Variants in PRKG2 observed in about 807,000 individuals in gnomAD.
PRKG2 encodes the protein protein kinase cGMP-dependent 2.
Under a neutral mutation model 97.2 loss-of-function variants are expected in PRKG2, and 33 were observed. That is an observed-to-expected ratio of 0.34 (90% CI 0.26 to 0.45). The LOEUF is 0.45. Among genes scored for constraint, PRKG2 ranks in the 20% least tolerant of loss-of-function variants. The probability of loss-of-function intolerance (pLI) is 1.00; values close to 1 mark genes in which losing one functional copy is unlikely to be tolerated. For synonymous variants in PRKG2, 330 were observed against 321.8 expected, an observed-to-expected ratio of 1.03 and a Z score of -0.27; for missense variants, 638 against 900.0, an observed-to-expected ratio of 0.71 and a Z score of 3.73.
chr4:81,180,670 T>C (rs1311578173), intron 2 of PRKG2, among the ~76,000 whole-genome samples: 2 of 152,148 alleles, frequency 1.3e-5, no homozygotes, highest in East Asian at 1.9e-4. Context: ...GTGTCCCACA[T>C]TGATTCTGGG....
At chr4:81,192,245 A>T (rs1023429047) in intron 2 of PRKG2, 3 of 152,194 alleles carry the variant, frequency 2.0e-5, no homozygotes, top group Non-Finnish European at 4.4e-5. Flanking sequence ...TTTCAACAAC[A>T]GGTAAAAAGT....
At chr4:81,165,833 T>G (rs1388282349) in intron 6 of PRKG2, among the ~76,000 whole-genome samples, 1 of 152,156 alleles carries the variant, frequency 6.6e-6, no homozygotes, top group Non-Finnish European at 1.5e-5. Context: ...TTATTTTTAA[T>G]GATACTAAAT....
At chr4:81,134,094 A>G (rs756056064) in intron 14 of PRKG2, among the ~76,000 whole-genome samples, 3 of 152,160 alleles carry the variant, frequency 2.0e-5, no homozygotes, top group Non-Finnish European at 4.4e-5. Flanking sequence ...TGAATGATTA[A>G]AAGTGTTTCT....
intron 12 of PRKG2, among the ~76,000 whole-genome samples, chr4:81,139,223 A>G (rs1747011562): frequency 6.6e-6 from 1 of 152,172 alleles, no homozygotes; most frequent in Non-Finnish European, 1.5e-5. Context: ...TACTACTAGG[A>G]CCAGGGTACA....
chr4:81,113,502 C>G (rs1463613562), intron 14 of PRKG2, among the ~76,000 whole-genome samples: 1 of 152,070 alleles, frequency 6.6e-6, no homozygotes, highest in East Asian at 1.9e-4. Flanking sequence ...AAAACATCAT[C>G]TCCAAAGATT....
intron 6 of PRKG2, among the ~76,000 whole-genome samples, chr4:81,158,872 T>G (rs971469169): frequency 2.0e-5 from 3 of 151,558 alleles, no homozygotes; most frequent in African/African-American, 7.3e-5. Context: ...TACTAAATGG[T>G]GCTGGGAAAA....
Position 81,089,656 on chromosome 4 carries a change from A to G in PRKG2, c.*52T>C. 4.6e-6 allele frequency: 6 copies of G among 1,297,480 alleles called. No homozygotes were observed. The highest frequency in any genetic ancestry group is 6.6e-6 in the Non-Finnish European group (6 of 908,666). The allele number at this position is 1,297,480 out of a possible 1,614,324, so 80.4% of individuals were successfully genotyped here. ...AAGAAAATAATGTGTTGGATTATTGATCCTTGAGGTCCTCTTCTGTAGAGT... is the reference window on the plus strand; with the variant it reads ...AAGAAAATAATGTGTTGGATTATTGGTCCTTGAGGTCCTCTTCTGTAGAGT... On this transcript the variant is annotated 3_prime_UTR_variant, in exon 19 of 19. Transcript: ENST00000264399.
intron 2 of PRKG2, among the ~76,000 whole-genome samples, chr4:81,176,396 C>T (rs1750933974): frequency 6.6e-6 from 1 of 151,884 alleles, no homozygotes; most frequent in Non-Finnish European, 1.5e-5. Context: ...ATTATTCTTG[C>T]TAAAAAAAAA....
intron 14 of PRKG2, among the ~76,000 whole-genome samples, chr4:81,121,729 T>C (rs1312539991): frequency 1.3e-5 from 2 of 151,408 alleles, no homozygotes; most frequent in African/African-American, 4.9e-5. Flanking sequence ...TCTTTCACTC[T>C]TTTTTTTTCT....
intron 17 of PRKG2, 76 bp from the exon 18 acceptor site, chr4:81,092,528 C>T (rs1028244562): frequency 5.4e-5 from 40 of 744,442 alleles, no homozygotes; most frequent in African/African-American, 2.1e-4. Context: ...AAGAAAGAGA[C>T]GACAAAAAGG....
intron 14 of PRKG2, among the ~76,000 whole-genome samples, chr4:81,124,942 T>G (rs1040714839): frequency 6.6e-6 from 1 of 152,194 alleles, no homozygotes. Context: ...TGGAAATTTT[T>G]TAGTTTCTAT....
chr4:81,180,347 A>G (rs1751297865), intron 2 of PRKG2, among the ~76,000 whole-genome samples: 2 of 152,092 alleles, frequency 1.3e-5, no homozygotes, highest in Non-Finnish European at 2.9e-5. Flanking sequence ...CTTGTCAGAC[A>G]AATGAAATAA....
intron 7 of PRKG2, 139 bp from the exon 8 acceptor site, chr4:81,152,193 T>A: frequency 1.6e-6 from 1 of 637,214 alleles, no homozygotes; most frequent in Non-Finnish European, 2.6e-6. Context: ...AATTTTATGG[T>A]AATTAGGACA....
chr4:81,164,124 G>A (rs1400310918), intron 6 of PRKG2, among the ~76,000 whole-genome samples: 2 of 152,086 alleles, frequency 1.3e-5, no homozygotes, highest in Non-Finnish European at 2.9e-5. Flanking sequence ...ACTACAAAAT[G>A]AAAAACAACA....
chr4:81,201,906 C>T (rs1209503612), intron 2 of PRKG2, among the ~76,000 whole-genome samples: 5 of 152,038 alleles, frequency 3.3e-5, no homozygotes, highest in African/African-American at 1.2e-4. Flanking sequence ...TGAACATTGT[C>T]CAAAATGTAG....
intron 2 of PRKG2, among the ~76,000 whole-genome samples, chr4:81,189,051 G>T (rs1043398535): frequency 7.3e-5 from 1 of 13,618 alleles, no homozygotes; most frequent in Non-Finnish European, 1.1e-4. Flanking sequence ...AAAAAAAAAA[G>T]ATTAAAAAAA....
At chr4:81,181,653 A>T (rs1751421482) in intron 2 of PRKG2, among the ~76,000 whole-genome samples, 1 of 151,866 alleles carries the variant, frequency 6.6e-6, no homozygotes, top group East Asian at 1.9e-4. Context: ...GAGAGGGAGG[A>T]GGTATAATTA....
chr4:81,112,296 T>A lies in PRKG2; in HGVS notation c.1777-1685A>T, dbSNP rs188398791. On this transcript the variant is annotated intron_variant, in intron 14 of 18. Coordinates refer to ENST00000264399, the MANE Select transcript of PRKG2 (RefSeq NM_006259.3). ...GTTGGGAATATTACAAAATTAAAAT[T>A]TGTAATCAGCTGAGACTAGCACATC... Among the ~76,000 whole-genome samples, 3 of 152,242 alleles carry A rather than the reference T, an allele frequency of 2.0e-5. No homozygotes were observed. In the East Asian group the frequency reaches 5.8e-4, roughly 29 times the overall value.
chr4:81,134,855 T>C (rs1004821148), intron 14 of PRKG2, among the ~76,000 whole-genome samples: 8 of 152,094 alleles, frequency 5.3e-5, no homozygotes, highest in African/African-American at 1.9e-4. Flanking sequence ...CAAGAATCAA[T>C]TTAAAAATAG....
Sources: allele counts gnomAD v4.1 joint callset (sites outside exome capture counted in the v4.1 genomes callset), GRCh38; gene constraint gnomAD v4.1.1; transcripts MANE v1.5; gene names NCBI Gene and HGNC (gene_info 2026-07-23, HGNC 2026-07-21).